Variants in DLGAP1 observed in about 807,000 individuals in gnomAD.
DLGAP1 encodes the protein disks large-associated protein 1.
Under a neutral mutation model 90.8 loss-of-function variants are expected in DLGAP1, and 11 were observed. The observed-to-expected ratio is 0.12, with a 90% CI of 0.08 to 0.20. The LOEUF is 0.20. DLGAP1 is among the 10% of genes least tolerant of loss of function. The probability of loss-of-function intolerance (pLI) is 1.00; values close to 1 mark genes in which losing one functional copy is unlikely to be tolerated. For missense variants in DLGAP1, 1,050 were observed against 1,333.8 expected, an observed-to-expected ratio of 0.79 and a Z score of 3.31; for synonymous variants, 558 against 540.7, an observed-to-expected ratio of 1.03 and a Z score of -0.44.
At chr18:3,606,292 A>G (rs1391869193) in intron 7 of DLGAP1, among the ~76,000 whole-genome samples, 1 of 152,148 alleles carries the variant, frequency 6.6e-6, no homozygotes, top group Non-Finnish European at 1.5e-5. Context: ...CGCTTCTTAG[A>G]ACCCTTCCCC....
chr18:3,506,621 A>G (rs1796778608), intron 11 of DLGAP1, among the ~76,000 whole-genome samples: 1 of 151,480 alleles, frequency 6.6e-6, no homozygotes. Flanking sequence ...TAAAATATGT[A>G]CAATGTTTAC....
At chr18:3,983,444 A>G (rs2073778610) in intron 3 of DLGAP1, 1 of 152,194 alleles carries the variant, frequency 6.6e-6, no homozygotes, top group Non-Finnish European at 1.5e-5. Context: ...CTGAACCTCC[A>G]AGGATCTGTG....
At chr18:3,569,146 C>A (rs374471408) in intron 8 of DLGAP1, among the ~76,000 whole-genome samples, 1 of 151,566 alleles carries the variant, frequency 6.6e-6, no homozygotes. Flanking sequence ...AAATTACAGA[C>A]GCGTGCCACC....
chr18:3,601,082 A>G (rs2056995979), intron 7 of DLGAP1, among the ~76,000 whole-genome samples: 1 of 149,540 alleles, frequency 6.7e-6, no homozygotes, highest in South Asian at 2.1e-4. Flanking sequence ...ATATAGATAG[A>G]TATATAGATA....
chr18:4,354,473 C>T (rs2081464276), intron 1 of DLGAP1, among the ~76,000 whole-genome samples: 1 of 152,142 alleles, frequency 6.6e-6, no homozygotes, highest in African/African-American at 2.4e-5. Flanking sequence ...CACATTTCTA[C>T]ACAGCTGTAC....
At chr18:4,025,879 A>G (rs1021178019) in intron 2 of DLGAP1, among the ~76,000 whole-genome samples, 1 of 151,684 alleles carries the variant, frequency 6.6e-6, no homozygotes, top group Admixed American at 6.5e-5. Context: ...TTTAAAAAAC[A>G]GTTACTTTGA....
At chr18:3,781,781 T>C (rs1047923635) in intron 5 of DLGAP1, among the ~76,000 whole-genome samples, 4 of 152,262 alleles carry the variant, frequency 2.6e-5, no homozygotes, top group Non-Finnish European at 5.9e-5. Context: ...TTTTGATCTA[T>C]ATTTACATAT....
chr18:3,664,208 A>C (rs1400692532), intron 7 of DLGAP1, among the ~76,000 whole-genome samples: 7 of 142,744 alleles, frequency 4.9e-5, no homozygotes, highest in South Asian at 2.1e-4. Context: ...ACACACACAC[A>C]CACACACACC....
intron 2 of DLGAP1, among the ~76,000 whole-genome samples, chr18:4,020,865 A>G (rs577287098): frequency 3.3e-5 from 5 of 152,264 alleles, no homozygotes; most frequent in African/African-American, 1.2e-4. Flanking sequence ...TGGGAATAAC[A>G]TTACTGTTGT....
chr18:4,341,662 A>G (rs995680851), intron 1 of DLGAP1, among the ~76,000 whole-genome samples: 2 of 152,154 alleles, frequency 1.3e-5, no homozygotes, highest in Non-Finnish European at 2.9e-5. Flanking sequence ...TTTTCCAAGA[A>G]ACAAGAAAAG....
chr18:3,560,701 G>T (rs1331501282), intron 9 of DLGAP1, among the ~76,000 whole-genome samples: 1 of 150,764 alleles, frequency 6.6e-6, no homozygotes, highest in Non-Finnish European at 1.5e-5. Context: ...TATCTAGTCG[G>T]ATTAACATCT....
At chr18:4,080,441 T>C (rs967275132) in intron 2 of DLGAP1, among the ~76,000 whole-genome samples, 1 of 152,226 alleles carries the variant, frequency 6.6e-6, no homozygotes, top group Non-Finnish European at 1.5e-5. Context: ...TTCTTTGACA[T>C]ATTTCAAAAT....
chr18:4,353,258 G>A (rs2081437477), intron 1 of DLGAP1, among the ~76,000 whole-genome samples: 1 of 152,002 alleles, frequency 6.6e-6, no homozygotes, highest in South Asian at 2.1e-4. Flanking sequence ...AGGTCCCAGG[G>A]GATAAACTGG....
chr18:3,860,739 G>A (rs915988209), intron 4 of DLGAP1, among the ~76,000 whole-genome samples: 2 of 152,182 alleles, frequency 1.3e-5, no homozygotes, highest in Non-Finnish European at 2.9e-5. Flanking sequence ...TGGAAAAAGG[G>A]ACTTTGCAGA....
intron 5 of DLGAP1, among the ~76,000 whole-genome samples, chr18:3,803,051 G>A (rs777417992): frequency 6.6e-6 from 1 of 152,150 alleles, no homozygotes; most frequent in Non-Finnish European, 1.5e-5. Flanking sequence ...TTTTTGGGAG[G>A]AAGAAGCTCT....
At chr18:4,037,199 G>C (rs914039991) in intron 2 of DLGAP1, among the ~76,000 whole-genome samples, 1 of 152,152 alleles carries the variant, frequency 6.6e-6, no homozygotes, top group Non-Finnish European at 1.5e-5. Flanking sequence ...GAAGGATAAA[G>C]AACACCAGTT....
chr18:3,947,330 G>C (rs1207009781), intron 3 of DLGAP1, among the ~76,000 whole-genome samples: 1 of 152,186 alleles, frequency 6.6e-6, no homozygotes. Context: ...GTCTGATCAT[G>C]GTGCTGACAC....
Position 3,727,011 on chromosome 18 carries a change from T to C in DLGAP1, c.1591+2124A>G, listed in dbSNP as rs139501563. Among the ~76,000 whole-genome samples the C allele has an allele frequency of 6.6e-6, 1 of 152,326 alleles. No homozygotes were observed. The highest frequency in any genetic ancestry group is 1.5e-5 in the Non-Finnish European group (1 of 68,032). ...AACTTAGATTAAAAATGGAACAACATGAGACACCCTCCCAGGGCTCATTCA... is the reference window on the plus strand; with the variant it reads ...AACTTAGATTAAAAATGGAACAACACGAGACACCCTCCCAGGGCTCATTCA... On this transcript the variant is annotated intron_variant, in intron 7 of 12. Coordinates refer to ENST00000315677, the MANE Select transcript of DLGAP1 (RefSeq NM_004746.4). The surrounding 1 kb of genome is among the most constrained non-coding windows in gnomAD (Gnocchi z 4.7).
chr18:4,150,477 G>C (rs1461129101), intron 2 of DLGAP1, among the ~76,000 whole-genome samples: 2 of 152,066 alleles, frequency 1.3e-5, no homozygotes, highest in African/African-American at 4.8e-5. Context: ...TGCAACCTGT[G>C]CCTTCCAGGT....
Sources: gnomAD v4.1 joint callset for allele counts (sites outside exome capture counted in the v4.1 genomes callset) on GRCh38, gnomAD v4.1.1 for gene constraint, Gnocchi (gnomAD v3.1) non-coding constraint, MANE v1.5 for transcripts, NCBI Gene and HGNC (gene_info 2026-07-23, HGNC 2026-07-21) for gene names.